The following RALGAPA2 variants were observed in gnomAD, a reference collection of about 807,000 sequenced individuals.
RALGAPA2 encodes the protein Ral GTPase activating protein catalytic subunit alpha 2, also known as ral GTPase-activating protein subunit alpha-2.
RALGAPA2 carries 139 observed loss-of-function variants against 230.4 expected under a neutral mutation model. The observed-to-expected ratio is 0.60, with a 90% CI of 0.53 to 0.69. RALGAPA2 has a LOEUF of 0.69. Among genes scored for constraint, RALGAPA2 ranks in the 30% least tolerant of loss-of-function variants. The pLI is 0.00. For synonymous variants in RALGAPA2, 847 were observed against 837.8 expected (o/e 1.01, Z -0.19); for missense variants, 2,163 against 2,276.0 (o/e 0.95, Z 1.01).
chr20:20,602,969 G>T (rs1320034990), intron 15 of RALGAPA2, among the ~76,000 whole-genome samples: 1 of 152,116 alleles, frequency 6.6e-6, no homozygotes, highest in African/African-American at 2.4e-5. Context: ...TCTCTTCTGG[G>T]CTGAGAACGA....
intron 17 of RALGAPA2, among the ~76,000 whole-genome samples, chr20:20,590,410 G>T (rs1304876814): frequency 6.6e-6 from 1 of 152,014 alleles, no homozygotes; most frequent in Non-Finnish European, 1.5e-5. Flanking sequence ...GGATTTCTAA[G>T]ACAGAATAAT....
At chr20:20,468,834 T>C (rs570938629) in intron 37 of RALGAPA2, among the ~76,000 whole-genome samples, 56 of 152,060 alleles carry the variant, frequency 3.7e-4, no homozygotes, top group African/African-American at 1.3e-3. Flanking sequence ...GTCCACCTCC[T>C]TTACCTAGAT....
At chr20:20,536,932 GT>G in intron 24 of RALGAPA2, 148 bp from the exon 25 acceptor site, 4 of 961,402 alleles carry the variant, frequency 4.2e-6, no homozygotes, top group Non-Finnish European at 5.8e-6. Context: ...AGCAAAAGAG[GT>G]TTGCCTAAAT....
Position 20,709,408 on chromosome 20 carries a change from G to C in RALGAPA2, c.106+2967C>G, listed in dbSNP as rs181063879. Among the ~76,000 whole-genome samples the C allele has an allele frequency of 1.7e-3, 261 of 152,174 alleles. 1 individual carries two copies. The highest frequency in any genetic ancestry group is 2.7e-3 in the Admixed American group (41 of 15,298). ...GGGGCTGAGGTGGGAGATTACTCGA[G>C]CCAGGGAGGCCAAGGCTGCAGCAGT... is the stretch of plus-strand genomic sequence containing the variant. On this transcript the variant is annotated intron_variant, in intron 1 of 39. Transcript: ENST00000202677.
At chr20:20,482,569 G>C (rs137985564) in intron 36 of RALGAPA2, among the ~76,000 whole-genome samples, 4 of 152,310 alleles carry the variant, frequency 2.6e-5, no homozygotes, top group East Asian at 1.9e-4. Flanking sequence ...TGCACTTTAA[G>C]AGATACTAAT....
At chr20:20,498,710 C>T (rs1569446693) in intron 35 of RALGAPA2, among the ~76,000 whole-genome samples, 1 of 152,230 alleles carries the variant, frequency 6.6e-6, no homozygotes, top group African/African-American at 2.4e-5. Flanking sequence ...GCCAGAACAG[C>T]GCTGCCTGGA....
intron 15 of RALGAPA2, among the ~76,000 whole-genome samples, chr20:20,602,569 C>T (rs1471580442): frequency 6.6e-6 from 1 of 152,230 alleles, no homozygotes; most frequent in African/African-American, 2.4e-5. Flanking sequence ...CACCCAGTTT[C>T]CTCTGCCTGT....
intron 3 of RALGAPA2, among the ~76,000 whole-genome samples, chr20:20,668,336 G>C (rs1036899774): frequency 1.2e-4 from 18 of 152,148 alleles, no homozygotes; most frequent in Admixed American, 6.5e-5. Context: ...CCATGAGGCG[G>C]AGGTTGCAGT....
chr20:20,487,711 C>A (rs2061948206), intron 36 of RALGAPA2, among the ~76,000 whole-genome samples: 1 of 151,952 alleles, frequency 6.6e-6, no homozygotes, highest in Non-Finnish European at 1.5e-5. Flanking sequence ...GAGTTTGAGA[C>A]CAGCCTGGGC....
intron 26 of RALGAPA2, among the ~76,000 whole-genome samples, chr20:20,535,376 T>C (rs3827962): frequency 0.15 from 22,691 of 152,198 alleles, 1,967 homozygotes; most frequent in East Asian, 0.24. Flanking sequence ...TGTCTCCTGG[T>C]GTAAAAGATC....
intron 1 of RALGAPA2, among the ~76,000 whole-genome samples, chr20:20,681,526 C>G (rs1376591516): frequency 6.6e-6 from 1 of 152,160 alleles, no homozygotes; most frequent in Non-Finnish European, 1.5e-5. Context: ...CCAAGGGCCC[C>G]GATCAGCCAG....
intron 1 of RALGAPA2, among the ~76,000 whole-genome samples, chr20:20,707,794 C>T (rs1452135844): frequency 6.6e-6 from 1 of 152,060 alleles, no homozygotes; most frequent in Admixed American, 6.6e-5. Flanking sequence ...TCCCCAGGAA[C>T]CTACCCTACC....
chr20:20,606,004 C>A (rs1387380087), intron 14 of RALGAPA2, among the ~76,000 whole-genome samples: 1 of 152,088 alleles, frequency 6.6e-6, no homozygotes, highest in African/African-American at 2.4e-5. Flanking sequence ...AGTCTTCATG[C>A]CTCTCTTAAC....
At chr20:20,486,783 C>T (rs1395688060) in intron 36 of RALGAPA2, among the ~76,000 whole-genome samples, 1 of 152,236 alleles carries the variant, frequency 6.6e-6, no homozygotes, top group Non-Finnish European at 1.5e-5. Flanking sequence ...CTCCCCTCTG[C>T]ATTCCAGTTT....
At chr20:20,690,074 T>C (rs1739308217) in intron 1 of RALGAPA2, among the ~76,000 whole-genome samples, 1 of 152,230 alleles carries the variant, frequency 6.6e-6, no homozygotes, top group Non-Finnish European at 1.5e-5. Context: ...AAGACATAAG[T>C]GTATTCTACA....
chr20:20,523,214 G>C (rs902699626), intron 30 of RALGAPA2, among the ~76,000 whole-genome samples: 1 of 152,126 alleles, frequency 6.6e-6, no homozygotes, highest in Admixed American at 6.6e-5. Flanking sequence ...AGGTTTGAGA[G>C]ACACTGTTAA....
At chr20:20,431,798 CCATA>C (rs2060507457) in intron 37 of RALGAPA2, among the ~76,000 whole-genome samples, 1 of 152,122 alleles carries the variant, frequency 6.6e-6, no homozygotes, top group South Asian at 2.1e-4. Flanking sequence ...ACACTGTACC[CCATA>C]AATATATGCA....
chr20:20,454,582 C>A (rs2061065912), intron 37 of RALGAPA2, among the ~76,000 whole-genome samples: 2 of 152,176 alleles, frequency 1.3e-5, no homozygotes, highest in South Asian at 4.1e-4. Context: ...GGATTGGAAG[C>A]CAGGTAAAGA....
At position 20,512,017 on chromosome 20, in the gene RALGAPA2, C is replaced by T. The variant is rs182123903; in HGVS notation, c.4856+496G>A. On this transcript the variant is annotated intron_variant, in intron 32 of 39. Transcript: ENST00000202677. ...CAGCCTGGCGAACATGGTGAAACCC[C>T]GTCTCTACTAAAAACATCAAAAAAG... Among the ~76,000 whole-genome samples, 141 of 152,016 alleles carry T rather than the reference C, an allele frequency of 9.3e-4. 1 individual carries two copies. In the East Asian group the frequency reaches 0.017, roughly 18 times the overall value.
Sources: gnomAD v4.1 joint callset for allele counts (sites outside exome capture counted in the v4.1 genomes callset) on GRCh38, gnomAD v4.1.1 for gene constraint, MANE v1.5 for transcripts, NCBI Gene and HGNC (gene_info 2026-07-23, HGNC 2026-07-21) for gene names.